SOX5: variants seen among roughly 807,000 people sequenced by gnomAD.
SOX5 encodes SRY-box transcription factor 5.
In SOX5, 9 loss-of-function variants were observed where a neutral mutation model predicts 92.0. The ratio of observed to expected loss-of-function variants is 0.10; its 90% CI spans 0.06 to 0.17. The LOEUF (loss-of-function observed/expected upper bound fraction) is 0.17. Among genes scored for constraint, SOX5 ranks in the 10% least tolerant of loss-of-function variants. SOX5 has a pLI of 1.00. For missense variants in SOX5, 642 were observed against 944.5 expected, an observed-to-expected ratio of 0.68 and a Z score of 4.20; for synonymous variants, 344 against 336.3, an observed-to-expected ratio of 1.02 and a Z score of -0.25.
intron 3 of SOX5, among the ~76,000 whole-genome samples, chr12:23,759,608 AG>A (rs1177807813): frequency 1.3e-5 from 2 of 152,136 alleles, no homozygotes; most frequent in African/African-American, 4.8e-5. Flanking sequence ...ATGGACATGT[AG>A]CAGTGATTAA....
Position 23,895,952 on chromosome 12 carries a change from C to G in SOX5, c.111G>C (p.Gln37His), listed in dbSNP as rs1318599639. The change falls in exon 2 of 15, where the codon CAG becomes CAC. Residue 37 changes from glutamine (Q) to histidine (H), a missense_variant. Gln to His is a conservative substitution (Grantham distance 24). Around this residue, in one of 8 missense-constraint regions of SOX5, gnomAD observed 113 missense variants for 117.7 expected, o/e 0.96. Coordinates refer to ENST00000451604, the MANE Select transcript of SOX5 (RefSeq NM_006940.6). ...DGEVAMVTSR[Q>H]KVEEEESDGL... The stretch of plus-strand genomic sequence containing the variant: ...CGTCACTCTCCTCTTCTTCCACTTT[C>G]TGTCTGCTTGTCACCATGGCTACCT... The G allele has an allele frequency of 6.2e-7, 1 of 1,614,144 alleles. No homozygotes were observed. Among genetic ancestry groups the G allele is most frequent in the South Asian group, 1.1e-5 (1 of 91,090 alleles).
At chr12:24,159,765 A>T (rs1453230871) in intron 4 of SOX5, among the ~76,000 whole-genome samples, 1 of 152,054 alleles carries the variant, frequency 6.6e-6, no homozygotes, top group Non-Finnish European at 1.5e-5. Flanking sequence ...CTCAAATATG[A>T]GTAATTGACA....
At chr12:23,949,731 CCTCTCTCTCT>C, upstream of SOX5, 1 of 749,480 alleles carries the variant, frequency 1.3e-6, no homozygotes, top group Non-Finnish European at 2.0e-6. Context: ...TCCCTCCCTC[CCTCTCTCTCT>C]CTCTCTCTCT....
chr12:23,809,234 C>G (rs898244932), intron 3 of SOX5, among the ~76,000 whole-genome samples: 1 of 151,960 alleles, frequency 6.6e-6, no homozygotes, highest in Non-Finnish European at 1.5e-5. Context: ...AAAAGAGGAA[C>G]GGGCTGGTGG....
intron 4 of SOX5, among the ~76,000 whole-genome samples, chr12:24,011,799 C>A (rs572736790): frequency 3.9e-5 from 6 of 152,204 alleles, no homozygotes; most frequent in Admixed American, 2.6e-4. Flanking sequence ...TCTTGGTCAA[C>A]TTTTAAAATG....
intron 4 of SOX5, among the ~76,000 whole-genome samples, chr12:24,094,454 C>CTTTTT (rs5797062): frequency 5.5e-5 from 7 of 127,730 alleles, no homozygotes; most frequent in African/African-American, 1.8e-4. Flanking sequence ...CTATTAGTGG[C>CTTTTT]TTTTTTTTTT....
intron 4 of SOX5, among the ~76,000 whole-genome samples, chr12:24,156,591 G>A (rs1244949547): frequency 6.6e-6 from 1 of 152,032 alleles, no homozygotes; most frequent in Non-Finnish European, 1.5e-5. Context: ...TAAAACAGCT[G>A]TACCCAGCAT....
intron 4 of SOX5, among the ~76,000 whole-genome samples, chr12:24,080,574 T>C (rs1231533185): frequency 2.6e-5 from 4 of 152,030 alleles, no homozygotes; most frequent in African/African-American, 7.2e-5. Context: ...CTGGTTTCTA[T>C]TGTCTGTCTA....
chr12:23,927,043 C>A (rs1940154169), intron 1 of SOX5, among the ~76,000 whole-genome samples: 1 of 152,044 alleles, frequency 6.6e-6, no homozygotes, highest in South Asian at 2.1e-4. Flanking sequence ...AAAATTAGAA[C>A]AACCACTATT....
intron 4 of SOX5, among the ~76,000 whole-genome samples, chr12:24,095,132 G>GAGAGAGAGAC (rs1945212581): frequency 8.7e-5 from 5 of 57,536 alleles, no homozygotes; most frequent in African/African-American, 3.1e-4. Context: ...CACACACAGA[G>GAGAGAGAGAC]AGAGAGAGAG....
intron 1 of SOX5, among the ~76,000 whole-genome samples, chr12:24,423,210 C>T (rs1231356744): frequency 6.6e-6 from 1 of 152,156 alleles, no homozygotes; most frequent in Non-Finnish European, 1.5e-5. Flanking sequence ...GCCCAGCTCT[C>T]CCTTAAGAAC....
intron 2 of SOX5, among the ~76,000 whole-genome samples, chr12:23,879,846 G>A (rs1045177715): frequency 3.8e-4 from 58 of 152,096 alleles, no homozygotes; most frequent in African/African-American, 1.4e-3. Flanking sequence ...TGAATCTATG[G>A]CTCAAAAAGT....
rs979111162 is a variant in SOX5 at position 24,155,305 on chromosome 12, A to T, written c.-2+58038T>A. On this transcript the variant is annotated intron_variant, in intron 4 of 4. Coordinates refer to the SOX5 transcript ENST00000446891. Reference sequence around the variant, plus strand: ...AAAAAACATATTCATAATTGCTAAGACAAATGAAAAATGTTCCCATTTTTT... The same window carrying T: ...AAAAAACATATTCATAATTGCTAAGTCAAATGAAAAATGTTCCCATTTTTT... Among the ~76,000 whole-genome samples the T allele has an allele frequency of 2.6e-5, 4 of 152,286 alleles. No individual in the cohort carries two copies. In the South Asian group the frequency reaches 8.3e-4, roughly 32 times the overall value.
Position 23,848,489 on chromosome 12 carries a change from A to G in SOX5, c.271-2296T>C, listed in dbSNP as rs542509483. On this transcript the variant is annotated intron_variant, in intron 2 of 14. Coordinates refer to ENST00000451604, the MANE Select transcript of SOX5 (RefSeq NM_006940.6). ...TATTTCACCTGCCTGATTACATTTC[A>G]GCCTCTGGCACTGTTAATCTCCTTA... Among the ~76,000 whole-genome samples the G allele has an allele frequency of 3.9e-5, 6 of 152,328 alleles. No homozygotes were observed. The East Asian group carries it at 1.2e-3, about 29-fold the overall frequency.
At chr12:23,883,436 A>C (rs956245567) in intron 2 of SOX5, among the ~76,000 whole-genome samples, 1 of 152,328 alleles carries the variant, frequency 6.6e-6, no homozygotes, top group South Asian at 2.1e-4. Flanking sequence ...CTGATAAATA[A>C]TCATAATTAG....
At chr12:24,054,683 T>C (rs1488197972) in intron 4 of SOX5, among the ~76,000 whole-genome samples, 1 of 151,910 alleles carries the variant, frequency 6.6e-6, no homozygotes, top group Non-Finnish European at 1.5e-5. Flanking sequence ...GCAAAGAAAA[T>C]ATGAAATTTC....
At chr12:24,065,133 G>T (rs1940445483) in intron 4 of SOX5, among the ~76,000 whole-genome samples, 1 of 152,258 alleles carries the variant, frequency 6.6e-6, no homozygotes, top group African/African-American at 2.4e-5. Flanking sequence ...GATGTGTAAG[G>T]TTCAGTAGAT....
chr12:24,165,201 G>A (rs1239341043), intron 4 of SOX5, among the ~76,000 whole-genome samples: 2 of 152,030 alleles, frequency 1.3e-5, no homozygotes, highest in Middle Eastern at 3.2e-3. Context: ...GATATCATGT[G>A]TTCCCATGAC....
intron 13 of SOX5, among the ~76,000 whole-genome samples, chr12:23,537,632 T>TAATTTTGGTGTGAA (rs1343165460): frequency 6.6e-6 from 1 of 152,228 alleles, no homozygotes; most frequent in Non-Finnish European, 1.5e-5. Flanking sequence ...CCCCTTTCTT[T>TAATTTTGGTGTGAA]TCACTATTAA....
Sources: allele counts gnomAD v4.1 joint callset (sites outside exome capture counted in the v4.1 genomes callset), GRCh38; gene constraint gnomAD v4.1.1; regional missense constraint gnomAD v4.1.1; transcripts MANE v1.5; gene names NCBI Gene and HGNC (gene_info 2026-07-23, HGNC 2026-07-21).